Variants in AGPAT5 observed in about 807,000 individuals in gnomAD.
AGPAT5 encodes 1-acyl-sn-glycerol-3-phosphate acyltransferase epsilon.
A neutral mutation model predicts 45.6 loss-of-function variants in AGPAT5; 46 were observed. The ratio of observed to expected loss-of-function variants is 1.01; its 90% confidence interval spans 0.80 to 1.29. AGPAT5 has a LOEUF of 1.29. Ranked by LOEUF, AGPAT5 falls within the 50% of genes most tolerant of loss-of-function variation. The pLI is 0.00. For missense variants in AGPAT5, 673 were observed against 450.7 expected (o/e 1.49, Z -4.47); for synonymous variants, 272 against 167.0 (o/e 1.63, Z -4.85).
chr8:6,747,053 C>T (rs1801495910), intron 5 of AGPAT5, among the ~76,000 whole-genome samples: 1 of 152,222 alleles, frequency 6.6e-6, no homozygotes, highest in Non-Finnish European at 1.5e-5. Context: ...CACCTGCAGC[C>T]TTCATATGCA....
Position 6,730,318 on chromosome 8 carries a change from C to CTTTTTTTTTTTTTT in AGPAT5, c.290-376_290-363dup, listed in dbSNP as rs1238035929. On this transcript the variant is annotated intron_variant, in intron 2 of 7. Transcript: ENST00000285518. ...AATTTTAAACATCCTAATCATAGGACTTTTTTTTTTTTTTTTTTTTTTTTT... is the reference window on the plus strand; with the variant it reads ...AATTTTAAACATCCTAATCATAGGACTTTTTTTTTTTTTTTTTTTTTTTTTTTTTTTTTTTTTTT... Among the ~76,000 whole-genome samples, 2 of 29,534 alleles carry CTTTTTTTTTTTTTT rather than the reference C, an allele frequency of 6.8e-5. 1 individual carries two copies. The highest frequency in any genetic ancestry group is 1.0e-4 in the Non-Finnish European group (2 of 19,208). The allele number at this position is 29,534 out of a possible 152,430, so 19.4% of individuals were successfully genotyped here.
chr8:6,735,497 G>GA (rs1280877803), intron 4 of AGPAT5, among the ~76,000 whole-genome samples: 2 of 152,180 alleles, frequency 1.3e-5, no homozygotes, highest in African/African-American at 4.8e-5. Context: ...CTGCAAAATT[G>GA]TTAAAATTTT....
intron 4 of AGPAT5, among the ~76,000 whole-genome samples, chr8:6,740,041 T>C (rs1396656864): frequency 6.6e-6 from 1 of 152,182 alleles, no homozygotes; most frequent in Non-Finnish European, 1.5e-5. Flanking sequence ...ATATGTGTTG[T>C]TATCCTTTGT....
At chr8:6,709,632 C>G (rs1019807409) in intron 1 of AGPAT5, 1 of 151,178 alleles carries the variant, frequency 6.6e-6, no homozygotes, top group African/African-American at 2.4e-5. Flanking sequence ...CTTGGTTATT[C>G]CTAATGTCCA....
chr8:6,733,679 G>A (rs182884891), intron 4 of AGPAT5, among the ~76,000 whole-genome samples: 7 of 152,140 alleles, frequency 4.6e-5, no homozygotes, highest in African/African-American at 1.7e-4. Context: ...CCAAAAGACA[G>A]AATAAGTTGG....
At chr8:6,728,679 G>A (rs1416983324) in intron 2 of AGPAT5, among the ~76,000 whole-genome samples, 1 of 152,094 alleles carries the variant, frequency 6.6e-6, no homozygotes, top group African/African-American at 2.4e-5. Flanking sequence ...TTTTAACTTT[G>A]TACGCCAACT....
Position 6,753,232 on chromosome 8 carries a change from G to A in AGPAT5, c.746-1819G>A, listed in dbSNP as rs542296773. 8.9e-4 allele frequency among the ~76,000 whole-genome samples: 135 copies of A among 152,278 alleles called. 1 individual carries two copies. The highest frequency in any genetic ancestry group is 1.8e-3 in the Admixed American group (27 of 15,302). On this transcript the variant is annotated intron_variant, in intron 6 of 7. Transcript: ENST00000285518. ...GACGTCTTAGTAGAGGCCCTGCCAC[G>A]TCCTGAGCACTGTACTCCACGAAGC...
intron 1 of AGPAT5, among the ~76,000 whole-genome samples, chr8:6,714,430 A>C (rs112326587): frequency 1.3e-4 from 20 of 152,372 alleles, no homozygotes; most frequent in African/African-American, 4.6e-4. Context: ...ACTTATAGGA[A>C]AATACTAAAA....
intron 6 of AGPAT5, among the ~76,000 whole-genome samples, chr8:6,750,418 C>G (rs1801621200): frequency 6.6e-6 from 1 of 152,140 alleles, no homozygotes; most frequent in African/African-American, 2.4e-5. Context: ...GAAAGATTGA[C>G]CTTTCTGACT....
At chr8:6,720,882 G>T (rs535966078) in intron 1 of AGPAT5, among the ~76,000 whole-genome samples, 2 of 152,230 alleles carry the variant, frequency 1.3e-5, no homozygotes, top group African/African-American at 4.8e-5. Context: ...AATGCAGTCA[G>T]CCAGTTTATT....
At chr8:6,744,963 C>G (rs898195953) in intron 5 of AGPAT5, among the ~76,000 whole-genome samples, 1 of 152,250 alleles carries the variant, frequency 6.6e-6, no homozygotes, top group Non-Finnish European at 1.5e-5. Flanking sequence ...CATTTCATTT[C>G]AGCCGAGCCA....
chr8:6,709,163 G>T, intron 1 of AGPAT5: 1 of 528,722 alleles, frequency 1.9e-6, no homozygotes, highest in Non-Finnish European at 3.4e-6. Flanking sequence ...GCTTAGCAAA[G>T]TGGGTGCAGA....
chr8:6,726,477 A>G (rs953890958), intron 2 of AGPAT5, among the ~76,000 whole-genome samples: 4 of 152,190 alleles, frequency 2.6e-5, no homozygotes, highest in African/African-American at 9.7e-5. Context: ...AGAGCTCTCT[A>G]GTAGTGACTT....
At chr8:6,715,172 AAACAAT>A (rs1800279860) in intron 1 of AGPAT5, among the ~76,000 whole-genome samples, 1 of 152,214 alleles carries the variant, frequency 6.6e-6, no homozygotes, top group Non-Finnish European at 1.5e-5. Context: ...GTGGGAAGAC[AAACAAT>A]AACAAGAAAA....
At chr8:6,730,324 T>TCA (rs1800820220) in intron 2 of AGPAT5, among the ~76,000 whole-genome samples, 4 of 7,952 alleles carry the variant, frequency 5.0e-4, no homozygotes, top group Admixed American at 1.9e-3. Flanking sequence ...AGGACTTTTT[T>TCA]TTTTTTTTTT....
chr8:6,727,974 A>G (rs1256174715), intron 2 of AGPAT5, among the ~76,000 whole-genome samples: 1 of 152,156 alleles, frequency 6.6e-6, no homozygotes, highest in Non-Finnish European at 1.5e-5. Context: ...TGGCTCATAG[A>G]TGGCATTTAA....
chr8:6,728,260 G>T (rs1227094924), intron 2 of AGPAT5, among the ~76,000 whole-genome samples: 1 of 152,186 alleles, frequency 6.6e-6, no homozygotes, highest in South Asian at 2.1e-4. Context: ...GTTAAATTAT[G>T]CCAGAACACA....
At chr8:6,756,294 A>G (rs987660496) in intron 7 of AGPAT5, among the ~76,000 whole-genome samples, 4 of 152,232 alleles carry the variant, frequency 2.6e-5, no homozygotes, top group Non-Finnish European at 4.4e-5. Context: ...CATGGATTCC[A>G]CATTCATGGA....
Position 6,747,774 on chromosome 8 carries a change from G to T in AGPAT5, c.691G>T (p.Val231Phe). 6.2e-7 allele frequency: 1 copy of T among 1,614,168 alleles called. No homozygotes were observed. The highest frequency in any genetic ancestry group is 8.5e-7 in the Non-Finnish European group (1 of 1,180,034). ...AGATGCAATTTATGATGTTACGGTG[G>T]TTTATGAAGGGAAAGACGATGGAGG... The part of the protein sequence containing the change: ...YLDAIYDVTV[V>F]YEGKDDGGQR... The change falls in exon 6 of 8, where the codon GTT (valine) becomes TTT (phenylalanine). Residue 231 changes from valine (V) to phenylalanine (F), a missense_variant. Physicochemically the swap from Val to Phe is conservative, Grantham distance 50. Coordinates refer to ENST00000285518, the MANE Select transcript of AGPAT5 (RefSeq NM_018361.5).
Sources: allele counts gnomAD v4.1 joint callset (sites outside exome capture counted in the v4.1 genomes callset), GRCh38; gene constraint gnomAD v4.1.1; transcripts MANE v1.5; gene names NCBI Gene and HGNC (gene_info 2026-07-23, HGNC 2026-07-21).